Variants in TMEM143 observed in about 807,000 individuals in gnomAD.
The protein encoded by TMEM143 is transmembrane protein 143.
Under a neutral mutation model 40.3 loss-of-function variants are expected in TMEM143, and 45 were observed. That is an observed-to-expected ratio of 1.12 (90% confidence interval 0.88 to 1.43). TMEM143 has a LOEUF of 1.43. Ranked by LOEUF, TMEM143 falls within the 40% of genes most tolerant of loss-of-function variation. TMEM143 has a pLI of 0.00. For missense variants in TMEM143, 620 were observed against 613.4 expected (o/e 1.01, Z -0.11); for synonymous variants, 299 against 282.7 (o/e 1.06, Z -0.58).
intron 4 of TMEM143, 45 bp downstream of exon 4, chr19:48,345,115 C>G: frequency 6.3e-7 from 1 of 1,599,618 alleles, no homozygotes; most frequent in South Asian, 1.1e-5. Context: ...TCTGCCCCAC[C>G]CTAGAGGCCT....
intron 3 of TMEM143, among the ~76,000 whole-genome samples, chr19:48,356,273 C>T (rs1036455912): frequency 1.3e-4 from 20 of 149,080 alleles, no homozygotes; most frequent in African/African-American, 4.2e-4. Context: ...ACTGGGATTA[C>T]AGCGCCACTA....
Position 48,343,461 on chromosome 19 carries a change from G to A in TMEM143, c.565-10C>T. On this transcript the variant is annotated splice_polypyrimidine_tract_variant and intron_variant, in intron 4 of 7. Coordinates refer to ENST00000293261, the MANE Select transcript of TMEM143 (RefSeq NM_018273.4). Reference sequence around the variant, plus strand: ...CCAAATTTACTGTCACCTGCCGGGGGGATGAAGGAAGCAGTGGCGGGTGAA... The same window carrying A: ...CCAAATTTACTGTCACCTGCCGGGGAGATGAAGGAAGCAGTGGCGGGTGAA... The A allele has an allele frequency of 1.3e-6, 2 of 1,570,012 alleles. No individual in the cohort carries two copies. The highest frequency in any genetic ancestry group is 2.3e-5 in the East Asian group (1 of 42,882).
chr19:48,337,842 G>A (rs751121315), intron 6 of TMEM143, among the ~76,000 whole-genome samples: 2 of 152,192 alleles, frequency 1.3e-5, no homozygotes, highest in Admixed American at 1.3e-4. Context: ...CATTTCTTCG[G>A]TTGAGGGCAA....
intron 5 of TMEM143, 105 bp from the exon 6 acceptor site, chr19:48,342,914 C>A: frequency 8.5e-6 from 11 of 1,294,936 alleles, no homozygotes; most frequent in African/African-American, 1.5e-5. Flanking sequence ...GCACAACCAT[C>A]TTAAAAGCGA....
chr19:48,343,913 G>A (rs1969566363), intron 4 of TMEM143, among the ~76,000 whole-genome samples: 1 of 152,022 alleles, frequency 6.6e-6, no homozygotes, highest in African/African-American at 2.4e-5. Context: ...TTGAGATATT[G>A]TCTCACTCTG....
chr19:48,333,078 GCACA>G lies in TMEM143; in HGVS notation c.*137_*140del. On this transcript the variant is annotated 3_prime_UTR_variant, in exon 8 of 8. Transcript: ENST00000293261. This position sits in a 1 kb window ranked among gnomAD's most constrained non-coding sequence, Gnocchi z 4.1. Reference sequence around the variant, plus strand: ...TGCTTTGATTGGCTGCTTTGCTTAAGCACACAGTGCAGCAAAAATAATCACCTGT... The same window carrying G: ...TGCTTTGATTGGCTGCTTTGCTTAAGCAGTGCAGCAAAAATAATCACCTGT... 1.6e-6 allele frequency: 1 copy of G among 625,508 alleles called. No homozygotes were observed. The allele number at this position is 625,508 out of a possible 1,614,324, so 38.7% of individuals were successfully genotyped here.
intron 3 of TMEM143, among the ~76,000 whole-genome samples, chr19:48,355,144 C>A (rs1008594605): frequency 2.0e-5 from 3 of 151,942 alleles, no homozygotes; most frequent in African/African-American, 7.3e-5. Context: ...AAGTGATTCT[C>A]ATGCCTCAGC....
Position 48,333,110 on chromosome 19 carries a change from G to A in TMEM143, c.*109C>T. The A allele has an allele frequency of 1.2e-6, 1 of 868,918 alleles. No individual in the cohort carries two copies. Among genetic ancestry groups the A allele is most frequent in the East Asian group, 3.1e-5 (1 of 32,350 alleles). 53.8% of individuals were successfully genotyped at this position (868,918 alleles called of 1,614,324 possible). On this transcript the variant is annotated 3_prime_UTR_variant, in exon 8 of 8. Coordinates refer to ENST00000293261, the MANE Select transcript of TMEM143 (RefSeq NM_018273.4). This position sits in a 1 kb window ranked among gnomAD's most constrained non-coding sequence, Gnocchi z 4.1. Reference sequence around the variant, plus strand: ...GTGCAGCAAAAATAATCACCTGTCAGTTATTGGAAGTTGGAGTGAAAAGTA... The same window carrying A: ...GTGCAGCAAAAATAATCACCTGTCAATTATTGGAAGTTGGAGTGAAAAGTA...
chr19:48,352,262 A>AAAAAAAAAAAAACAAAAAAAAAAAAAAC (rs74518287), intron 3 of TMEM143, among the ~76,000 whole-genome samples: 4 of 145,062 alleles, frequency 2.8e-5, no homozygotes, highest in African/African-American at 1.0e-4. Flanking sequence ...AAAAAAAAAA[A>AAAAAAAAAAAAACAAAAAAAAAAAAAAC]CACCATATCT....
At chr19:48,356,096 C>T (rs1306118676) in intron 3 of TMEM143, among the ~76,000 whole-genome samples, 1 of 152,082 alleles carries the variant, frequency 6.6e-6, no homozygotes, top group East Asian at 1.9e-4. Flanking sequence ...TTGGATTCTG[C>T]CCCATGTGCC....
intron 5 of TMEM143, chr19:48,343,097 GA>G (rs1234580812): frequency 5.6e-6 from 4 of 709,396 alleles, no homozygotes; most frequent in African/African-American, 1.8e-5. Context: ...TTCCTTATTG[GA>G]AAATGGGGAG....
rs541001393 is a variant in TMEM143 at position 48,345,265 on chromosome 19, C to A, written c.459G>T (p.Val153=). 21 of 1,612,864 alleles carry A rather than the reference C, an allele frequency of 1.3e-5. No homozygotes were observed. The Admixed American group carries it at 1.5e-4, about 12-fold the overall frequency. Reference sequence around the variant, plus strand: ...CCAGCAGGGGCTCCAGAGCCCGAAGCACCTCCTGCTCATTAGACAGACGCT... The same window carrying A: ...CCAGCAGGGGCTCCAGAGCCCGAAGAACCTCCTGCTCATTAGACAGACGCT... ...DPQRLSNEQE[V]LRALEPLLAQ... is the part of the protein sequence containing the mutation. Residue 153 remains valine (V), a synonymous_variant, in exon 4 of 8, where the codon GTG becomes GTT. Transcript: ENST00000293261.
intron 2 of TMEM143, 100 bp downstream of exon 2, chr19:48,363,191 G>T (rs2147393407): frequency 1.4e-5 from 21 of 1,469,586 alleles, no homozygotes; most frequent in Middle Eastern, 5.1e-4. Flanking sequence ...CAACTCCCAG[G>T]AGGCGCCAGG....
At position 48,334,481 on chromosome 19, in the gene TMEM143, T is replaced by A. The variant is rs1600891962; in HGVS notation, c.976-284A>T. On this transcript the variant is annotated intron_variant, in intron 6 of 7. Coordinates refer to ENST00000293261, the MANE Select transcript of TMEM143 (RefSeq NM_018273.4). ...TTCTTTCTTTCTTTCTTTCTTTCTT[T>A]TTCTTTCTTTCTTTCGTTCTTTCTT... Among the ~76,000 whole-genome samples the A allele has an allele frequency of 1.5e-4, 8 of 52,448 alleles. No individual in the cohort carries two copies. The South Asian group carries it at 4.6e-3, about 30-fold the overall frequency. 34.4% of individuals were successfully genotyped at this position (52,448 alleles called of 152,430 possible). A position where few individuals can be genotyped will look rare whatever the true frequency, so the allele number is the denominator to read the frequency against.
chr19:48,348,729 G>A (rs560303894), intron 3 of TMEM143, among the ~76,000 whole-genome samples: 2 of 152,312 alleles, frequency 1.3e-5, no homozygotes, highest in South Asian at 4.1e-4. Flanking sequence ...AGGAAGTGGT[G>A]TAACCAGAAT....
intron 3 of TMEM143, 38 bp downstream of exon 3, chr19:48,360,034 G>A (rs759033375): frequency 1.6e-5 from 25 of 1,591,042 alleles, no homozygotes; most frequent in Middle Eastern, 1.8e-4. Flanking sequence ...GCGGATGCTC[G>A]AACAAGCACC....
At chr19:48,335,414 C>CA (rs1357463880) in intron 6 of TMEM143, among the ~76,000 whole-genome samples, 3 of 152,148 alleles carry the variant, frequency 2.0e-5, no homozygotes, top group African/African-American at 7.2e-5. Context: ...TTCATCTCTA[C>CA]AAAAAATTAA....
intron 3 of TMEM143, among the ~76,000 whole-genome samples, chr19:48,358,370 TGA>T (rs1473409675): frequency 1.3e-5 from 2 of 148,280 alleles, no homozygotes; most frequent in Non-Finnish European, 3.0e-5. Context: ...GGCAGCAGAG[TGA>T]GACTCTGTCT....
rs372676457 is a variant in TMEM143 at position 48,363,879 on chromosome 19, C to T, written c.23+19G>A. 64 of 1,613,950 alleles carry T rather than the reference C, an allele frequency of 4.0e-5. No homozygotes were observed. In the African/African-American group the frequency reaches 8.1e-4, roughly 21 times the overall value. On this transcript the variant is annotated intron_variant, in intron 1 of 7. Coordinates refer to ENST00000293261, the MANE Select transcript of TMEM143 (RefSeq NM_018273.4). Reference sequence around the variant, plus strand: ...GGGCCGCCCTCCCTGGCCATGCAATCCCCCGATTTCTCCCTCACCTTAGCC... The same window carrying T: ...GGGCCGCCCTCCCTGGCCATGCAATTCCCCGATTTCTCCCTCACCTTAGCC...
Sources: gnomAD v4.1 joint callset for allele counts (sites outside exome capture counted in the v4.1 genomes callset) on GRCh38, gnomAD v4.1.1 for gene constraint, Gnocchi (gnomAD v3.1) non-coding constraint, MANE v1.5 for transcripts, NCBI Gene and HGNC (gene_info 2026-07-23, HGNC 2026-07-21) for gene names.